ACAD10: variants seen among roughly 807,000 people sequenced by gnomAD.
ACAD10 encodes the protein ACAD-10.
A neutral mutation model predicts 116.8 loss-of-function variants in ACAD10; 112 were observed. The ratio of observed to expected loss-of-function variants is 0.96; its 90% CI spans 0.82 to 1.12. The LOEUF (loss-of-function observed/expected upper bound fraction) is 1.12. Ranked by LOEUF, ACAD10 falls within the 50% of genes most tolerant of loss-of-function variation. The probability of loss-of-function intolerance (pLI) is 0.00; values close to 1 mark genes in which losing one functional copy is unlikely to be tolerated. For synonymous variants in ACAD10, 486 were observed against 510.6 expected, an observed-to-expected ratio of 0.95 and a Z score of 0.65; for missense variants, 1,259 against 1,350.2, an observed-to-expected ratio of 0.93 and a Z score of 1.06.
rs959413384 is a variant in ACAD10 at position 111,729,876 on chromosome 12, A to G, written c.1314A>G (p.Pro438=). 6.2e-7 allele frequency: 1 copy of G among 1,614,142 alleles called. No homozygotes were observed. The highest frequency in any genetic ancestry group is 8.5e-7 in the Non-Finnish European group (1 of 1,180,036). The change falls in exon 10 of 21, where the codon CCA becomes CCG. Residue 438 remains proline (P), a synonymous_variant. Transcript: ENST00000313698. ...GAGCTTCCGAAACTAGCACCATCCC[A>G]GCCATGGAGAGGCTGATCGAATGGC... The part of the protein sequence containing the change: ...QYRASETSTI[P]AMERLIEWLP...
intron 7 of ACAD10, among the ~76,000 whole-genome samples, chr12:111,718,081 G>C (rs1399721579): frequency 2.1e-5 from 1 of 48,670 alleles, no homozygotes; most frequent in African/African-American, 8.0e-5. Flanking sequence ...ATGGAGTCTT[G>C]CTTTGTCATC....
chr12:111,733,779 A>G (rs1889468803), intron 10 of ACAD10, 144 bp from the exon 11 acceptor site: 1 of 939,306 alleles, frequency 1.1e-6, no homozygotes, highest in African/African-American at 1.6e-5. Flanking sequence ...CCTTTGGAGC[A>G]CACAGCCCAG....
chr12:111,699,368 A>C (rs890901923), intron 2 of ACAD10, among the ~76,000 whole-genome samples: 3 of 152,138 alleles, frequency 2.0e-5, no homozygotes, highest in Non-Finnish European at 2.9e-5. Flanking sequence ...ATACAGATAA[A>C]ATTTCCTGCT....
chr12:111,695,830 A>G (rs577392860), intron 2 of ACAD10, among the ~76,000 whole-genome samples: 27 of 152,124 alleles, frequency 1.8e-4, no homozygotes, highest in African/African-American at 5.3e-4. Flanking sequence ...CCTGGCCAAC[A>G]TGGCAAAATC....
chr12:111,689,450 C>A (rs1887976003), intron 1 of ACAD10, among the ~76,000 whole-genome samples: 1 of 151,894 alleles, frequency 6.6e-6, no homozygotes, highest in Admixed American at 6.6e-5. Context: ...TGGTTCACTG[C>A]AACCTCCACT....
At position 111,715,701 on chromosome 12, in the gene ACAD10, A is replaced by G. The variant is rs962145307; in HGVS notation, c.851-120A>G. On this transcript the variant is annotated intron_variant, in intron 6 of 20. Transcript: ENST00000313698. ...GGCAGAGAAGAGGTACTTTTCTTGC[A>G]CTGCATGGCAGATGAGGATATTTTG... 9 of 1,375,664 alleles carry G rather than the reference A, an allele frequency of 6.5e-6. No homozygotes were observed. The Admixed American group carries it at 1.4e-4, about 22-fold the overall frequency. The allele number at this position is 1,375,664 out of a possible 1,614,324, so 85.2% of individuals were successfully genotyped here.
At chr12:111,735,025 C>T (rs1889505100) in intron 11 of ACAD10, among the ~76,000 whole-genome samples, 1 of 151,992 alleles carries the variant, frequency 6.6e-6, no homozygotes, top group African/African-American at 2.4e-5. Flanking sequence ...AGATCGAGAC[C>T]ATCCTGGCTA....
intron 14 of ACAD10, among the ~76,000 whole-genome samples, chr12:111,746,807 C>T (rs960421778): frequency 2.6e-5 from 4 of 152,134 alleles, no homozygotes; most frequent in East Asian, 1.9e-4. Context: ...TCGACACCAG[C>T]GTGTGCAACA....
At chr12:111,715,677 G>A in intron 6 of ACAD10, 144 bp from the exon 7 acceptor site, 1 of 1,077,794 alleles carries the variant, frequency 9.3e-7, no homozygotes, top group Non-Finnish European at 1.3e-6. Flanking sequence ...CTCCTAGTAG[G>A]CAGAGAAGAG....
intron 2 of ACAD10, 55 bp downstream of exon 2, chr12:111,692,951 G>T: frequency 6.3e-7 from 1 of 1,581,772 alleles, no homozygotes. Flanking sequence ...TGGGAGAATG[G>T]AGGGTGATCG....
At chr12:111,730,754 C>CTTT (rs750344202) in intron 10 of ACAD10, among the ~76,000 whole-genome samples, 1 of 135,150 alleles carries the variant, frequency 7.4e-6, no homozygotes, top group African/African-American at 2.7e-5. Flanking sequence ...ATTTCCGTTT[C>CTTT]TTTTTTTTTT....
intron 9 of ACAD10, among the ~76,000 whole-genome samples, chr12:111,729,368 G>C (rs983996323): frequency 6.6e-6 from 1 of 152,164 alleles, no homozygotes; most frequent in African/African-American, 2.4e-5. Context: ...CTCCCAAGTA[G>C]CTGGGATGAC....
intron 18 of ACAD10, chr12:111,753,181 T>A: frequency 4.9e-6 from 1 of 205,136 alleles, no homozygotes; most frequent in Non-Finnish European, 1.0e-5. Flanking sequence ...AAAGAATAAA[T>A]AAAACAAGAA....
In ACAD10 at chr12:111,756,501, C is replaced by A; in HGVS notation, c.*28C>A. 6.2e-7 allele frequency: 1 copy of A among 1,608,138 alleles called. No homozygotes were observed. The highest frequency in any genetic ancestry group is 8.5e-7 in the Non-Finnish European group (1 of 1,178,870). ...CCTTGGGGCTGCAGTGGCTCAATGT[C>A]CTGGCTGGTCCAGCTGTGCCCAGAT... is the stretch of plus-strand genomic sequence containing the variant. On this transcript the variant is annotated 3_prime_UTR_variant, in exon 21 of 21. Transcript: ENST00000313698.
Position 111,705,788 on chromosome 12 carries a change from G to A in ACAD10, c.387G>A (p.Glu129=), listed in dbSNP as rs1215567119. The A allele has an allele frequency of 6.2e-7, 1 of 1,614,174 alleles. No individual in the cohort carries two copies. The highest frequency in any genetic ancestry group is 1.7e-5 in the Admixed American group (1 of 60,010). The change falls in exon 4 of 21, where the codon GAG becomes GAA. Residue 129 remains glutamate, a synonymous_variant. Coordinates refer to ENST00000313698, the MANE Select transcript of ACAD10 (RefSeq NM_025247.6). Reference sequence around the variant, plus strand: ...CATTTTTCTCTCTGTTGACCAGTGAGCGAGTGGCAAAGCAGTTCCCAGTGA... The same window carrying A: ...CATTTTTCTCTCTGTTGACCAGTGAACGAGTGGCAAAGCAGTTCCCAGTGA... ...VDSFFSLLTS[E]RVAKQFPVMT... is the part of the protein sequence containing the mutation.
intron 11 of ACAD10, among the ~76,000 whole-genome samples, chr12:111,735,455 G>A (rs1054511538): frequency 6.6e-6 from 1 of 151,584 alleles, no homozygotes; most frequent in African/African-American, 2.4e-5. Flanking sequence ...GAGGAAATAA[G>A]TGAATTTTTT....
At chr12:111,719,012 G>A (rs77342129) in intron 7 of ACAD10, among the ~76,000 whole-genome samples, 2,329 of 152,000 alleles carry the variant, frequency 0.015, 69 homozygotes, top group African/African-American at 0.053. Flanking sequence ...GGCTGAGGCA[G>A]GAGAATCTCT....
intron 12 of ACAD10, among the ~76,000 whole-genome samples, chr12:111,742,929 C>T (rs1265221668): frequency 2.0e-5 from 3 of 151,834 alleles, no homozygotes; most frequent in Non-Finnish European, 4.4e-5. Flanking sequence ...AGGCTGGTCT[C>T]GAACTGACCT....
At chr12:111,737,841 GGTGTGTGTGT>G (rs150399090) in intron 12 of ACAD10, among the ~76,000 whole-genome samples, 1 of 146,396 alleles carries the variant, frequency 6.8e-6, no homozygotes, top group Non-Finnish European at 1.5e-5. Context: ...CAAATTTCTT[GGTGTGTGTGT>G]GTGTGTGTGT....
Sources: allele counts gnomAD v4.1 joint callset (sites outside exome capture counted in the v4.1 genomes callset), GRCh38; gene constraint gnomAD v4.1.1; transcripts MANE v1.5; gene names NCBI Gene and HGNC (gene_info 2026-07-23, HGNC 2026-07-21).